Variants in ARHGAP39 observed in about 807,000 individuals in gnomAD.
ARHGAP39 encodes Rho GTPase activating protein 39.
In ARHGAP39, 44 loss-of-function variants were observed where a neutral mutation model predicts 106.9. The ratio of observed to expected loss-of-function variants is 0.41; its 90% CI spans 0.32 to 0.53. ARHGAP39 has a LOEUF of 0.53. Ranked by LOEUF, ARHGAP39 falls within the 20% of genes least tolerant of loss-of-function variation. The pLI is 0.21. For missense variants in ARHGAP39, 1,496 were observed against 1,577.3 expected (o/e 0.95, Z 0.87); for synonymous variants, 768 against 693.2 (o/e 1.11, Z -1.69).
chr8:144,680,649 C>T (rs1422086127), intron 1 of ARHGAP39, among the ~76,000 whole-genome samples: 2 of 151,956 alleles, frequency 1.3e-5, no homozygotes, highest in East Asian at 3.9e-4. Context: ...AAAACACTTG[C>T]ATACAAAATT....
intron 3 of ARHGAP39, among the ~76,000 whole-genome samples, chr8:144,570,281 A>G (rs752902528): frequency 6.6e-6 from 1 of 152,228 alleles, no homozygotes; most frequent in African/African-American, 2.4e-5. Flanking sequence ...AGAACGTGAG[A>G]TGATGAACTA....
In ARHGAP39 at chr8:144,530,795, C is replaced by A; in HGVS notation, c.3057G>T (p.Ala1019=). 6.2e-7 allele frequency: 1 copy of A among 1,611,884 alleles called. No homozygotes were observed. The highest frequency in any genetic ancestry group is 8.5e-7 in the Non-Finnish European group (1 of 1,179,682). The change falls in exon 11 of 12, where the codon GCG becomes GCT. Residue 1019 remains alanine, a synonymous_variant. Transcript: ENST00000377307. ...CCGCCGCCTCGGGGCTGTCGTAGTGCGCGATGCACTGCTCGTAGAACTCGT... is the reference window on the plus strand; with the variant it reads ...CCGCCGCCTCGGGGCTGTCGTAGTGAGCGATGCACTGCTCGTAGAACTCGT... ...IPHEFYEQCI[A]HYDSPEAAVA...
At chr8:144,675,503 A>C (rs1057046923) in intron 1 of ARHGAP39, among the ~76,000 whole-genome samples, 1 of 152,100 alleles carries the variant, frequency 6.6e-6, no homozygotes, top group Non-Finnish European at 1.5e-5. Flanking sequence ...CTTCGTGGTT[A>C]GTGTTACAGC....
chr8:144,548,396 A>G lies in ARHGAP39; in HGVS notation c.690T>C (p.Asn230=), dbSNP rs778420397. ...REPSFLAAQG[N]GYAPDGPPGV... ...CAGGTGGGCCGTCTGGGGCGTAGCCATTGCCCTGGGCGGCGAGGAAGCTGG... is the reference window on the plus strand; with the variant it reads ...CAGGTGGGCCGTCTGGGGCGTAGCCGTTGCCCTGGGCGGCGAGGAAGCTGG... Residue 230 remains asparagine, a synonymous_variant, in exon 5 of 12, where the codon AAT becomes AAC. Coordinates refer to ENST00000377307, the MANE Select transcript of ARHGAP39 (RefSeq NM_025251.3). The surrounding 1 kb of genome is among the most constrained non-coding windows in gnomAD (Gnocchi z 7.4). 3.7e-6 allele frequency: 6 copies of G among 1,610,684 alleles called. No individual in the cohort carries two copies. The highest frequency in any genetic ancestry group is 2.2e-5 in the East Asian group (1 of 44,844).
chr8:144,666,706 T>C (rs925144819), intron 1 of ARHGAP39, among the ~76,000 whole-genome samples: 7 of 152,132 alleles, frequency 4.6e-5, no homozygotes, highest in African/African-American at 1.7e-4. Context: ...GAACGGTAAG[T>C]CCAATTAAAC....
upstream of ARHGAP39, among the ~76,000 whole-genome samples, chr8:144,689,018 G>A (rs939353874): frequency 6.6e-6 from 1 of 152,164 alleles, no homozygotes; most frequent in African/African-American, 2.4e-5. Context: ...CCAGAAACAC[G>A]CAAGGGAATG....
At chr8:144,603,891 G>A (rs555815323) in intron 2 of ARHGAP39, among the ~76,000 whole-genome samples, 86 of 151,916 alleles carry the variant, frequency 5.7e-4, no homozygotes, top group African/African-American at 2.0e-3. Context: ...GAGGACATCA[G>A]GGACACAGGA....
intron 1 of ARHGAP39, among the ~76,000 whole-genome samples, chr8:144,661,051 G>GGATC (rs1317991538): frequency 6.6e-6 from 1 of 152,116 alleles, no homozygotes; most frequent in African/African-American, 2.4e-5. Flanking sequence ...TGAGGCAGGA[G>GGATC]GATCACCTGT....
chr8:144,620,850 G>A (rs1043184112), intron 1 of ARHGAP39, among the ~76,000 whole-genome samples: 4 of 152,372 alleles, frequency 2.6e-5, no homozygotes, highest in East Asian at 3.9e-4. Flanking sequence ...CGTGAGGACC[G>A]GCAGGAATCC....
rs1822017049 is a variant in ARHGAP39 at position 144,668,426 on chromosome 8, AGAGT to A, written c.-82+17256_-82+17259del. Reference sequence around the variant, plus strand: ...ACTGCACTCCATCATGGGTGGTGACAGAGTGAGACTGTCTCAAAACAAAACATAA... The same window carrying A: ...ACTGCACTCCATCATGGGTGGTGACAGAGACTGTCTCAAAACAAAACATAA... On this transcript the variant is annotated intron_variant, in intron 1 of 11. Coordinates refer to ENST00000377307, the MANE Select transcript of ARHGAP39 (RefSeq NM_025251.3). Among the ~76,000 whole-genome samples, 3 of 152,218 alleles carry A rather than the reference AGAGT, an allele frequency of 2.0e-5. 1 individual carries two copies. Among genetic ancestry groups the A allele is most frequent in the Admixed American group, 1.3e-4 (2 of 15,280 alleles).
intron 1 of ARHGAP39, among the ~76,000 whole-genome samples, chr8:144,618,409 G>GT (rs1238887876): frequency 6.6e-6 from 1 of 152,258 alleles, no homozygotes; most frequent in Non-Finnish European, 1.5e-5. Context: ...TGGAATTTTT[G>GT]TTTTTGCCTG....
chr8:144,533,170 C>T lies in ARHGAP39; in HGVS notation c.2844G>A (p.Glu948=), dbSNP rs1312966550. Residue 948 remains glutamate (E), a synonymous_variant, in exon 9 of 12, where the codon GAG becomes GAA. Coordinates refer to ENST00000377307, the MANE Select transcript of ARHGAP39 (RefSeq NM_025251.3). ...QLPWVQTRLS[E]EVLALNGDQT... ...GGTCACCGTTGAGCGCCAGCACCTC[C>T]TCAGAGAGCCGTGTCTGCACCCAGG... 1 of 1,610,922 alleles carries T rather than the reference C, an allele frequency of 6.2e-7. No homozygotes were observed. Among genetic ancestry groups the T allele is most frequent in the Non-Finnish European group, 8.5e-7 (1 of 1,179,726 alleles).
chr8:144,582,601 C>T (rs975577271), intron 2 of ARHGAP39, among the ~76,000 whole-genome samples: 2 of 152,238 alleles, frequency 1.3e-5, no homozygotes, highest in East Asian at 1.9e-4. Flanking sequence ...GCAGAAGGCA[C>T]CGAGGGACAG....
intron 1 of ARHGAP39, among the ~76,000 whole-genome samples, chr8:144,655,284 C>T (rs1351236335): frequency 6.6e-6 from 1 of 152,138 alleles, no homozygotes; most frequent in East Asian, 1.9e-4. Flanking sequence ...TGCAATTCCT[C>T]CCCTCTGAGG....
rs969082526 is a variant in ARHGAP39, at chr8:144,585,782, C to A, written c.81-4505G>T. Among the ~76,000 whole-genome samples, 2 of 152,176 alleles carry A rather than the reference C, an allele frequency of 1.3e-5. No homozygotes were observed. Among genetic ancestry groups the A allele is most frequent in the African/African-American group, 4.8e-5 (2 of 41,440 alleles). On this transcript the variant is annotated intron_variant, in intron 2 of 11. Transcript: ENST00000377307. This position sits in a 1 kb window ranked among gnomAD's most constrained non-coding sequence, Gnocchi z 4.6. ...TCTTAAATCTCAACCCTCATGGGCC[C>A]CTGCAGGGCCCATAATTTAAATGAG...
In ARHGAP39 at chr8:144,530,291, AG is replaced by A; in HGVS notation, c.*130del. 2.0e-6 allele frequency: 2 copies of A among 1,006,174 alleles called. No individual in the cohort carries two copies. Among genetic ancestry groups the A allele is most frequent in the Non-Finnish European group, 2.9e-6 (2 of 701,738 alleles). The allele number at this position is 1,006,174 out of a possible 1,614,324, so 62.3% of individuals were successfully genotyped here. ...AGAAGACGTGGGGAGCGCCGGGGCC[AG>A]GGGCCTGGGGGAGTGGAGGGGGCTC... On this transcript the variant is annotated 3_prime_UTR_variant, in exon 12 of 12. Transcript: ENST00000377307.
intron 2 of ARHGAP39, among the ~76,000 whole-genome samples, chr8:144,584,586 A>G (rs759906128): frequency 7.2e-5 from 11 of 152,068 alleles, no homozygotes; most frequent in Non-Finnish European, 1.0e-4. Flanking sequence ...AACATGGTGA[A>G]ACCCCGTCTC....
At chr8:144,698,796 T>G in the ARHGAP39 span, 1 of 455,380 alleles carries the variant, frequency 2.2e-6, no homozygotes, top group Non-Finnish European at 4.4e-6. Context: ...ATCTCCTTGT[T>G]GGCTTGGGTA....
At chr8:144,628,329 C>G (rs1380852887) in intron 1 of ARHGAP39, among the ~76,000 whole-genome samples, 1 of 151,996 alleles carries the variant, frequency 6.6e-6, no homozygotes, top group East Asian at 1.9e-4. Flanking sequence ...GTCATTCAAG[C>G]AGGGGACACT....
Sources: gnomAD v4.1 joint callset for allele counts (sites outside exome capture counted in the v4.1 genomes callset) on GRCh38, gnomAD v4.1.1 for gene constraint, Gnocchi (gnomAD v3.1) non-coding constraint, MANE v1.5 for transcripts, NCBI Gene and HGNC (gene_info 2026-07-23, HGNC 2026-07-21) for gene names.